Variants in TIAM1 observed in about 807,000 individuals in gnomAD.
TIAM1 encodes the protein TIAM Rac1 associated GEF 1, also known as rho guanine nucleotide exchange factor TIAM1.
A neutral mutation model predicts 163.5 loss-of-function variants in TIAM1; 65 were observed. That is an observed-to-expected ratio of 0.40 (90% CI 0.33 to 0.49). The LOEUF (loss-of-function observed/expected upper bound fraction) is 0.49. TIAM1 is among the 20% of genes least tolerant of loss of function. TIAM1 has a pLI of 0.77. For missense variants in TIAM1, 1,789 were observed against 2,044.7 expected (o/e 0.87, Z 2.41); for synonymous variants, 833 against 810.1 (o/e 1.03, Z -0.48).
intron 10 of TIAM1, among the ~76,000 whole-genome samples, chr21:31,210,566 G>GAAAA (rs1466057010): frequency 8.7e-6 from 1 of 115,426 alleles, no homozygotes; most frequent in Non-Finnish European, 1.6e-5. Context: ...AAGAAAGAAA[G>GAAAA]AAAGAAAGAA....
chr21:31,305,466 A>G (rs1369862946), intron 2 of TIAM1, among the ~76,000 whole-genome samples: 3 of 151,846 alleles, frequency 2.0e-5, no homozygotes, highest in Non-Finnish European at 2.9e-5. Context: ...CCTTCTTTAC[A>G]GGACCTTGGA....
At chr21:31,184,610 C>T (rs1317075766) in intron 14 of TIAM1, among the ~76,000 whole-genome samples, 1 of 152,134 alleles carries the variant, frequency 6.6e-6, no homozygotes, top group African/African-American at 2.4e-5. Flanking sequence ...CAGGATGTGA[C>T]TGAAACCAGA....
intron 4 of TIAM1, among the ~76,000 whole-genome samples, chr21:31,255,168 G>A (rs556950853): frequency 1.3e-5 from 2 of 152,310 alleles, no homozygotes; most frequent in South Asian, 2.1e-4. Flanking sequence ...AGGTGAGCTT[G>A]CATGCTTTGG....
At chr21:31,191,825 T>C (rs908392854) in intron 13 of TIAM1, among the ~76,000 whole-genome samples, 4 of 152,212 alleles carry the variant, frequency 2.6e-5, no homozygotes, top group Non-Finnish European at 5.9e-5. Flanking sequence ...AGCAGTTTCA[T>C]GCCCAGTTCC....
intron 2 of TIAM1, among the ~76,000 whole-genome samples, chr21:31,422,508 G>GT (rs376002471): frequency 6.6e-6 from 1 of 152,182 alleles, no homozygotes. Flanking sequence ...CTAGATTCCA[G>GT]TGACACTGGC....
chr21:31,517,540 A>G (rs887215557), intron 1 of TIAM1, among the ~76,000 whole-genome samples: 2 of 152,168 alleles, frequency 1.3e-5, no homozygotes, highest in African/African-American at 4.8e-5. Context: ...AGAGAAGAAA[A>G]CACACGCAGA....
At chr21:31,157,825 C>T (rs2083699126) in intron 16 of TIAM1, among the ~76,000 whole-genome samples, 1 of 152,112 alleles carries the variant, frequency 6.6e-6, no homozygotes, top group South Asian at 2.1e-4. Context: ...TTGAACAAAA[C>T]GTTATCTGAG....
chr21:31,369,100 C>A (rs2147150820), intron 2 of TIAM1, among the ~76,000 whole-genome samples: 1 of 152,016 alleles, frequency 6.6e-6, no homozygotes, highest in East Asian at 1.9e-4. Context: ...GTGGCGGGAG[C>A]CTGTAGTCTC....
At chr21:31,499,558 T>TA (rs11380521) in intron 1 of TIAM1, among the ~76,000 whole-genome samples, 33,943 of 149,214 alleles carry the variant, frequency 0.23, 3,950 homozygotes, top group African/African-American at 0.27. Flanking sequence ...AAATTAAGAC[T>TA]AAAAAAAAAA....
At chr21:31,515,905 C>T (rs906975115) in intron 1 of TIAM1, among the ~76,000 whole-genome samples, 8 of 142,212 alleles carry the variant, frequency 5.6e-5, no homozygotes, top group South Asian at 2.3e-4. Flanking sequence ...GTCAGGAGTT[C>T]GAGACCAGCC....
At chr21:31,441,662 AC>A (rs1451254067) in intron 2 of TIAM1, among the ~76,000 whole-genome samples, 1 of 152,140 alleles carries the variant, frequency 6.6e-6, no homozygotes, top group Non-Finnish European at 1.5e-5. Flanking sequence ...TCCCTACCTA[AC>A]ATACAGGCTT....
chr21:31,214,320 G>C (rs1289950280), intron 9 of TIAM1, among the ~76,000 whole-genome samples: 1 of 151,070 alleles, frequency 6.6e-6, no homozygotes, highest in East Asian at 1.9e-4. Flanking sequence ...CTGAGACCTT[G>C]TCTCAAAAAA....
At chr21:31,263,604 C>T (rs1384646405) in intron 4 of TIAM1, among the ~76,000 whole-genome samples, 2 of 152,096 alleles carry the variant, frequency 1.3e-5, no homozygotes, top group Non-Finnish European at 1.5e-5. Flanking sequence ...CTCAAAGGCT[C>T]AAATCCCCAT....
intron 1 of TIAM1, among the ~76,000 whole-genome samples, chr21:31,477,276 C>T (rs1340527309): frequency 6.6e-6 from 1 of 152,142 alleles, no homozygotes; most frequent in Non-Finnish European, 1.5e-5. Flanking sequence ...CATCACTTAC[C>T]TAAGTCACAT....
chr21:31,514,347 A>T (rs1448532649), intron 1 of TIAM1, among the ~76,000 whole-genome samples: 3 of 152,082 alleles, frequency 2.0e-5, no homozygotes, highest in Non-Finnish European at 1.5e-5. Flanking sequence ...AAGATTAGCC[A>T]CCAATTGCTC....
At chr21:31,402,354 C>A (rs934185780) in intron 2 of TIAM1, among the ~76,000 whole-genome samples, 1 of 152,044 alleles carries the variant, frequency 6.6e-6, no homozygotes. Flanking sequence ...TCTGAGATGT[C>A]GTCAGAGACC....
At chr21:31,303,011 G>GT (rs1204409547) in intron 2 of TIAM1, among the ~76,000 whole-genome samples, 2 of 152,162 alleles carry the variant, frequency 1.3e-5, no homozygotes, top group African/African-American at 2.4e-5. Context: ...ACTCTGATGT[G>GT]TAAGTTGCTA....
chr21:31,261,189 T>C (rs2072449227), intron 4 of TIAM1, among the ~76,000 whole-genome samples: 1 of 151,692 alleles, frequency 6.6e-6, no homozygotes, highest in Non-Finnish European at 1.5e-5. Flanking sequence ...ACAGTTATCC[T>C]GGCCATCTCT....
At chr21:31,142,389 G>A (rs941697563) in intron 20 of TIAM1, among the ~76,000 whole-genome samples, 1 of 149,538 alleles carries the variant, frequency 6.7e-6, no homozygotes, top group Non-Finnish European at 1.5e-5. Flanking sequence ...AGGCAGAGGC[G>A]AGCGGATCAC....
Sources: allele counts gnomAD v4.1 joint callset (sites outside exome capture counted in the v4.1 genomes callset), GRCh38; gene constraint gnomAD v4.1.1; transcripts MANE v1.5; gene names NCBI Gene and HGNC (gene_info 2026-07-23, HGNC 2026-07-21).